The following PMS1 variants were observed in gnomAD, a reference collection of about 807,000 sequenced individuals.
PMS1 encodes PMS1 protein homolog 1.
Under a neutral mutation model 93.1 loss-of-function variants are expected in PMS1, and 79 were observed. That is an observed-to-expected ratio of 0.85 (90% CI 0.71 to 1.02). The LOEUF (loss-of-function observed/expected upper bound fraction) is 1.02, where lower values mean the gene tolerates loss of function less well. Ranked by LOEUF, PMS1 falls within the 50% of genes least tolerant of loss-of-function variation. The pLI, the probability that PMS1 is intolerant of heterozygous loss-of-function variation, is 0.00. For missense variants in PMS1, 1,064 were observed against 1,085.3 expected, an observed-to-expected ratio of 0.98 and a Z score of 0.28; for synonymous variants, 335 against 363.4, an observed-to-expected ratio of 0.92 and a Z score of 0.89.
intron 6 of PMS1, among the ~76,000 whole-genome samples, chr2:189,848,863 T>C (rs1209942319): frequency 6.6e-6 from 1 of 152,214 alleles, no homozygotes; most frequent in Admixed American, 6.5e-5. Flanking sequence ...TGGTCCTGTA[T>C]CACAGTTTCT....
At chr2:189,840,992 C>T (rs927483729) in intron 5 of PMS1, among the ~76,000 whole-genome samples, 3 of 152,182 alleles carry the variant, frequency 2.0e-5, no homozygotes, top group African/African-American at 7.2e-5. Context: ...ATGCATTTGT[C>T]AGTCAGACCC....
intron 4 of PMS1, among the ~76,000 whole-genome samples, chr2:189,812,194 G>C (rs545245308): frequency 6.6e-6 from 1 of 152,184 alleles, no homozygotes; most frequent in South Asian, 2.1e-4. Context: ...CCAGCTACTC[G>C]GGAGGGTGAG....
At chr2:189,827,914 TTTTG>T (rs57432899) in intron 5 of PMS1, among the ~76,000 whole-genome samples, 250 of 150,134 alleles carry the variant, frequency 1.7e-3, no homozygotes, top group South Asian at 0.011. Context: ...AAAAATAAGG[TTTTG>T]TTTGTTTGTT....
chr2:189,798,757 A>ATTTTTTTTTTTTT (rs757864750), intron 3 of PMS1, among the ~76,000 whole-genome samples: 8 of 79,928 alleles, frequency 1.0e-4, no homozygotes, highest in Non-Finnish European at 1.6e-4. Context: ...TAAGTATTTG[A>ATTTTTTTTTTTTT]TTTTTTTTTT....
At chr2:189,844,370 A>C (rs1470483582) in intron 6 of PMS1, among the ~76,000 whole-genome samples, 2 of 152,144 alleles carry the variant, frequency 1.3e-5, no homozygotes, top group Non-Finnish European at 2.9e-5. Flanking sequence ...TTGGCTGGGC[A>C]TGGTGACTCA....
At chr2:189,786,137 A>G (rs2048326757) in intron 1 of PMS1, among the ~76,000 whole-genome samples, 1 of 152,074 alleles carries the variant, frequency 6.6e-6, no homozygotes, top group Non-Finnish European at 1.5e-5. Context: ...AAAAAATAAA[A>G]AAAGACGAGC....
At chr2:189,840,036 CA>C (rs1229618702) in intron 5 of PMS1, among the ~76,000 whole-genome samples, 6 of 152,038 alleles carry the variant, frequency 3.9e-5, no homozygotes, top group Non-Finnish European at 8.8e-5. Context: ...TTTAGAAATG[CA>C]ATATACACAT....
intron 6 of PMS1, among the ~76,000 whole-genome samples, chr2:189,844,705 A>G (rs2054109100): frequency 6.6e-6 from 1 of 150,900 alleles, no homozygotes; most frequent in African/African-American, 2.4e-5. Flanking sequence ...TGTACTTAAA[A>G]CTTTTTCTTG....
intron 3 of PMS1, among the ~76,000 whole-genome samples, chr2:189,800,975 C>T (rs1302972688): frequency 3.3e-5 from 5 of 152,096 alleles, no homozygotes; most frequent in Admixed American, 3.3e-4. Flanking sequence ...TAACTTCCAA[C>T]CTTAAACAGT....
chr2:189,842,906 A>C lies in PMS1; in HGVS notation c.583-1058A>C, dbSNP rs999934587. 4.7e-4 allele frequency among the ~76,000 whole-genome samples: 70 copies of C among 149,344 alleles called. 1 individual carries two copies. The highest frequency in any genetic ancestry group is 9.0e-4 in the Non-Finnish European group (61 of 67,456). On this transcript the variant is annotated intron_variant, in intron 5 of 12. Transcript: ENST00000441310. ...AAGGGGGGAAATTACTATCATTTTA[A>C]TGCCTCTCTGGGCCTGATAATTTAA...
chr2:189,837,956 T>TTA (rs1425951315), intron 5 of PMS1, among the ~76,000 whole-genome samples: 1 of 152,162 alleles, frequency 6.6e-6, no homozygotes, highest in Non-Finnish European at 1.5e-5. Context: ...ATATGAAACA[T>TTA]CCTAAGTGGG....
intron 6 of PMS1, among the ~76,000 whole-genome samples, chr2:189,846,576 G>A (rs1361724163): frequency 6.6e-6 from 1 of 151,768 alleles, no homozygotes; most frequent in Non-Finnish European, 1.5e-5. Flanking sequence ...CTACTTGGGA[G>A]GCTGAGGTGG....
At chr2:189,871,024 G>A (rs1470712878) in intron 11 of PMS1, among the ~76,000 whole-genome samples, 2 of 152,212 alleles carry the variant, frequency 1.3e-5, no homozygotes, top group African/African-American at 4.8e-5. Context: ...AGCTGTACAT[G>A]AAGCATAGTG....
intron 5 of PMS1, among the ~76,000 whole-genome samples, chr2:189,830,789 G>A (rs1010538771): frequency 5.3e-5 from 8 of 152,220 alleles, no homozygotes; most frequent in African/African-American, 1.9e-4. Flanking sequence ...AGGCCTTAAA[G>A]CACCTGAGAT....
At position 189,791,950 on chromosome 2, in the gene PMS1, C is replaced by T. The variant is rs1204725054; in HGVS notation, c.132+9C>T. ...GCGTAGATGTTAAACTGGTGAGTGT[C>T]CTTGAGAACCCAAATACCTTTAAGA... On this transcript the variant is annotated intron_variant, in intron 2 of 12. Transcript: ENST00000441310. The T allele has an allele frequency of 5.6e-6, 9 of 1,612,858 alleles. No individual in the cohort carries two copies. In the African/African-American group the frequency reaches 1.2e-4, roughly 22 times the overall value.
chr2:189,835,706 G>T (rs1219219592), intron 5 of PMS1, among the ~76,000 whole-genome samples: 2 of 151,910 alleles, frequency 1.3e-5, no homozygotes, highest in African/African-American at 4.8e-5. Flanking sequence ...TGGGAGGATC[G>T]CTTGAGTCCA....
intron 9 of PMS1, among the ~76,000 whole-genome samples, chr2:189,862,625 C>G (rs1303569654): frequency 1.3e-5 from 2 of 152,068 alleles, no homozygotes; most frequent in African/African-American, 4.8e-5. Context: ...TTTGTTCTAC[C>G]AGGTATTTAA....
At chr2:189,838,490 C>T (rs1027760726) in intron 5 of PMS1, among the ~76,000 whole-genome samples, 1 of 152,176 alleles carries the variant, frequency 6.6e-6, no homozygotes, top group Non-Finnish European at 1.5e-5. Flanking sequence ...ACCAATCCTG[C>T]TCTTCTGAGT....
chr2:189,863,257 G>T (rs10173958), intron 9 of PMS1, among the ~76,000 whole-genome samples: 65 of 146,910 alleles, frequency 4.4e-4, no homozygotes, highest in African/African-American at 1.4e-3. Context: ...GTTTTTTTTT[G>T]GTTTTTTTTT....
Sources: allele counts gnomAD v4.1 joint callset (sites outside exome capture counted in the v4.1 genomes callset), GRCh38; gene constraint gnomAD v4.1.1; transcripts MANE v1.5; gene names NCBI Gene and HGNC (gene_info 2026-07-23, HGNC 2026-07-21).